APLP2: variants seen among roughly 807,000 people sequenced by gnomAD.
APLP2 encodes the protein CDEI box-binding protein.
Under a neutral mutation model 89.9 loss-of-function variants are expected in APLP2, and 53 were observed. That is an observed-to-expected ratio of 0.59 (90% CI 0.47 to 0.74). The LOEUF (loss-of-function observed/expected upper bound fraction) is 0.74. Ranked by LOEUF, APLP2 falls within the 30% of genes least tolerant of loss-of-function variation. The pLI is 0.00. For synonymous variants in APLP2, 372 were observed against 348.6 expected (o/e 1.07, Z -0.75); for missense variants, 973 against 975.9 (o/e 1.00, Z 0.04).
At chr11:130,127,637 A>G in intron 8 of APLP2, 129 bp from the exon 9 acceptor site, 1 of 758,342 alleles carries the variant, frequency 1.3e-6, no homozygotes, top group Non-Finnish European at 2.3e-6. Context: ...TAAGCTCCTA[A>G]GAGATTGTGT....
intron 3 of APLP2, among the ~76,000 whole-genome samples, chr11:130,111,013 GT>G (rs1948479957): frequency 6.6e-6 from 1 of 152,156 alleles, no homozygotes; most frequent in South Asian, 2.1e-4. Context: ...AGAGTCTTCT[GT>G]TTCCCTTACT....
At chr11:130,079,345 C>T (rs1942744472) in intron 1 of APLP2, among the ~76,000 whole-genome samples, 1 of 152,078 alleles carries the variant, frequency 6.6e-6, no homozygotes, top group Non-Finnish European at 1.5e-5. Context: ...ATGATCCTCC[C>T]GCCTTGGCCT....
intron 1 of APLP2, among the ~76,000 whole-genome samples, chr11:130,087,936 A>G (rs1196166493): frequency 6.6e-6 from 1 of 152,234 alleles, no homozygotes; most frequent in African/African-American, 2.4e-5. Context: ...AAACAATAGG[A>G]ATAGTATTCA....
intron 1 of APLP2, among the ~76,000 whole-genome samples, chr11:130,093,814 C>T (rs148901330): frequency 1.3e-5 from 2 of 151,490 alleles, no homozygotes; most frequent in African/African-American, 4.9e-5. Flanking sequence ...CATGATCTCA[C>T]GTCACCGCAA....
intron 13 of APLP2, among the ~76,000 whole-genome samples, chr11:130,138,530 G>A (rs1048837182): frequency 1.5e-4 from 23 of 151,308 alleles, no homozygotes; most frequent in African/African-American, 4.6e-4. Context: ...GTTAAGAAAC[G>A]TGGGGGCTAT....
In APLP2 at chr11:130,141,384, C is replaced by T; in HGVS notation, c.1924-114C>T. 1 of 849,124 alleles carries T rather than the reference C, an allele frequency of 1.2e-6. No individual in the cohort carries two copies. Among genetic ancestry groups the T allele is most frequent in the Non-Finnish European group, 1.9e-6 (1 of 518,270 alleles). The allele number at this position is 849,124 out of a possible 1,614,324, so 52.6% of individuals were successfully genotyped here. Reference sequence around the variant, plus strand: ...AGAACTGGTTGGTTAATGGGGGTCCCACAGGTACCTGCTTCCTTCCATCAA... The same window carrying T: ...AGAACTGGTTGGTTAATGGGGGTCCTACAGGTACCTGCTTCCTTCCATCAA... On this transcript the variant is annotated intron_variant, in intron 14 of 16. Coordinates refer to ENST00000338167, the MANE Select transcript of APLP2 (RefSeq NM_001142276.2). This position sits in a 1 kb window ranked among gnomAD's most constrained non-coding sequence, Gnocchi z 4.2.
Position 130,117,260 on chromosome 11 carries a change from G to A in APLP2, c.404-3446G>A, listed in dbSNP as rs117396031. ...AAGATTAGTGGCATTTAATTTTATGGTTTAGCATGGAATTAATTATTTTAT... is the reference window on the plus strand; with the variant it reads ...AAGATTAGTGGCATTTAATTTTATGATTTAGCATGGAATTAATTATTTTAT... On this transcript the variant is annotated intron_variant, in intron 3 of 16. Transcript: ENST00000338167. Among the ~76,000 whole-genome samples, 12 of 152,276 alleles carry A rather than the reference G, an allele frequency of 7.9e-5. No homozygotes were observed. In the East Asian group the frequency reaches 2.1e-3, roughly 27 times the overall value.
At chr11:130,080,318 C>T (rs1232873849) in intron 1 of APLP2, among the ~76,000 whole-genome samples, 1 of 151,954 alleles carries the variant, frequency 6.6e-6, no homozygotes, top group Admixed American at 6.5e-5. Flanking sequence ...GTGCCTCCTG[C>T]CTCAGCCTCC....
chr11:130,090,758 C>T (rs879989224), intron 1 of APLP2, among the ~76,000 whole-genome samples: 89 of 152,346 alleles, frequency 5.8e-4, no homozygotes, highest in African/African-American at 1.8e-3. Flanking sequence ...CATCCTGGCC[C>T]GCTCTCAATG....
At chr11:130,128,807 T>G (rs1950635156) in intron 9 of APLP2, among the ~76,000 whole-genome samples, 1 of 152,188 alleles carries the variant, frequency 6.6e-6, no homozygotes, top group South Asian at 2.1e-4. Context: ...ACACAGATAC[T>G]AAGGAGGCCC....
At chr11:130,091,307 C>T (rs1945097599) in intron 1 of APLP2, among the ~76,000 whole-genome samples, 3 of 140,226 alleles carry the variant, frequency 2.1e-5, no homozygotes, top group African/African-American at 8.5e-5. Flanking sequence ...GGCGGCTGGC[C>T]GGGCGGGGGG....
chr11:130,127,780 G>A lies in APLP2; in HGVS notation c.1236G>A (p.Trp412Ter). The A allele has an allele frequency of 6.2e-7, 1 of 1,614,118 alleles. No homozygotes were observed. Among genetic ancestry groups the A allele is most frequent in the Non-Finnish European group, 8.5e-7 (1 of 1,179,992 alleles). The change falls in exon 9 of 17, where the codon TGG (tryptophan) becomes TGA (stop). Residue 412 changes from tryptophan (W) to a stop codon, truncating the protein, a stop_gained. Transcript: ENST00000338167. LOFTEE classifies it high-confidence loss of function. ...RNRMDRVKKEWEEAELQAKNL... is the reference protein window; with the variant it reads ...RNRMDRVKKE Reference sequence around the variant, plus strand: ...CTTTGTTCTAGGTAAAGAAGGAATGGGAAGAGGCAGAGCTTCAAGCTAAGA... The same window carrying A: ...CTTTGTTCTAGGTAAAGAAGGAATGAGAAGAGGCAGAGCTTCAAGCTAAGA...
chr11:130,092,120 G>A (rs1176225118), intron 1 of APLP2, among the ~76,000 whole-genome samples: 4 of 124,890 alleles, frequency 3.2e-5, no homozygotes, highest in East Asian at 3.2e-4. Flanking sequence ...CATCTCAGAC[G>A]ATGGGCGGCG....
intron 1 of APLP2, among the ~76,000 whole-genome samples, chr11:130,102,204 T>C (rs1302174751): frequency 6.6e-6 from 1 of 152,170 alleles, no homozygotes; most frequent in Non-Finnish European, 1.5e-5. Context: ...CTTGAACAAA[T>C]ATGAATGAAA....
At position 130,121,599 on chromosome 11, in the gene APLP2, G is replaced by A. The variant is rs762251511; in HGVS notation, c.517-15G>A. On this transcript the variant is annotated splice_polypyrimidine_tract_variant and intron_variant, in intron 4 of 16. Transcript: ENST00000338167. ...TCTGGAGTATGTTCTGATGTGGCCT[G>A]TGGGTTTCTTTTAGGCATGTCTGAC... 3 of 1,609,042 alleles carry A rather than the reference G, an allele frequency of 1.9e-6. No individual in the cohort carries two copies. In the Admixed American group the frequency reaches 5.0e-5, roughly 27 times the overall value.
chr11:130,069,910 C>A lies in APLP2; in HGVS notation c.-68C>A. ...ACTGGCTTTAGATGCTTCTGGGTCGCGGTGTGCTAAGCGAGGAGTCCGAGT... is the reference window on the plus strand; with the variant it reads ...ACTGGCTTTAGATGCTTCTGGGTCGAGGTGTGCTAAGCGAGGAGTCCGAGT... On this transcript the variant is annotated 5_prime_UTR_variant, in exon 1 of 17. Transcript: ENST00000338167. The A allele has an allele frequency of 9.1e-6, 11 of 1,212,480 alleles. No homozygotes were observed. Among genetic ancestry groups the A allele is most frequent in the Non-Finnish European group, 8.0e-6 (7 of 876,008 alleles). The allele number at this position is 1,212,480 out of a possible 1,614,324, so 75.1% of individuals were successfully genotyped here.
intron 1 of APLP2, among the ~76,000 whole-genome samples, chr11:130,082,994 C>T (rs1042574642): frequency 3.0e-5 from 4 of 134,704 alleles, no homozygotes; most frequent in African/African-American, 1.1e-4. Flanking sequence ...ATGTACATAA[C>T]AAAATATATT....
chr11:130,120,459 G>A (rs1353172247), intron 3 of APLP2, among the ~76,000 whole-genome samples: 5 of 152,210 alleles, frequency 3.3e-5, no homozygotes, highest in African/African-American at 1.2e-4. Flanking sequence ...TAGCCCTGCA[G>A]TGGGACTGCA....
At chr11:130,114,589 T>G (rs1386269372) in intron 3 of APLP2, among the ~76,000 whole-genome samples, 1 of 152,232 alleles carries the variant, frequency 6.6e-6, no homozygotes, top group African/African-American at 2.4e-5. Flanking sequence ...CTATCATTCT[T>G]TGAGAACTTT....
Sources: allele counts gnomAD v4.1 joint callset (sites outside exome capture counted in the v4.1 genomes callset), GRCh38; gene constraint gnomAD v4.1.1; non-coding constraint Gnocchi (gnomAD v3.1); transcripts MANE v1.5; gene names NCBI Gene and HGNC (gene_info 2026-07-23, HGNC 2026-07-21).